Variants in CCBE1 observed in about 807,000 individuals in gnomAD.
The protein encoded by CCBE1 is collagen and calcium-binding EGF domain-containing protein 1.
A neutral mutation model predicts 50.0 loss-of-function variants in CCBE1; 37 were observed. The ratio of observed to expected loss-of-function variants is 0.74; its 90% confidence interval spans 0.57 to 0.97. CCBE1 has a LOEUF of 0.97. Among genes scored for constraint, CCBE1 ranks in the 50% least tolerant of loss-of-function variants. The pLI, the probability that CCBE1 is intolerant of heterozygous loss-of-function variation, is 0.00. For missense variants in CCBE1, 538 were observed against 523.8 expected (o/e 1.03, Z -0.26); for synonymous variants, 234 against 203.7 (o/e 1.15, Z -1.27).
intron 2 of CCBE1, among the ~76,000 whole-genome samples, chr18:59,514,158 T>C (rs1293014426): frequency 6.6e-6 from 1 of 152,208 alleles, no homozygotes; most frequent in African/African-American, 2.4e-5. Flanking sequence ...ATCTTTTACA[T>C]AGCAACATTT....
chr18:59,560,344 C>A (rs766322656), intron 2 of CCBE1, among the ~76,000 whole-genome samples: 2 of 152,144 alleles, frequency 1.3e-5, no homozygotes, highest in Admixed American at 1.3e-4. Context: ...CAAACTAACA[C>A]GGGAACAGGA....
At chr18:59,565,432 G>C (rs978031852) in intron 2 of CCBE1, among the ~76,000 whole-genome samples, 1 of 128,998 alleles carries the variant, frequency 7.8e-6, no homozygotes, top group South Asian at 2.2e-4. Context: ...TAGACAAAGG[G>C]CTGTCACTCA....
At chr18:59,539,542 G>A (rs1350268838) in intron 2 of CCBE1, among the ~76,000 whole-genome samples, 1 of 142,248 alleles carries the variant, frequency 7.0e-6, no homozygotes, top group Admixed American at 7.2e-5. Context: ...CAACAGAAAC[G>A]AAGGGCAAGA....
At chr18:59,527,622 G>GT (rs1295870276) in intron 2 of CCBE1, among the ~76,000 whole-genome samples, 2 of 151,990 alleles carry the variant, frequency 1.3e-5, no homozygotes, top group Non-Finnish European at 2.9e-5. Context: ...TTGTAGTAAT[G>GT]TTTTTTCCTT....
intron 2 of CCBE1, among the ~76,000 whole-genome samples, chr18:59,625,214 A>G (rs932065896): frequency 6.6e-6 from 1 of 152,072 alleles, no homozygotes; most frequent in Admixed American, 6.6e-5. Context: ...GGTGGATCAC[A>G]AGGTCAGGAG....
chr18:59,436,175 G>A lies in CCBE1; in HGVS notation c.988-34C>T, dbSNP rs772112471. The stretch of plus-strand genomic sequence containing the variant: ...ATGGGAGGAATCAAAGCTAGAATAC[G>A]ACAGACAGCAATGGCCTCCGGGGCT... On this transcript the variant is annotated intron_variant, in intron 10 of 10. Coordinates refer to ENST00000439986, the MANE Select transcript of CCBE1 (RefSeq NM_133459.4). The A allele has an allele frequency of 6.3e-6, 10 of 1,593,942 alleles. No homozygotes were observed. In the South Asian group the frequency reaches 9.9e-5, roughly 16 times the overall value.
chr18:59,463,666 T>C (rs1014211721), intron 5 of CCBE1, among the ~76,000 whole-genome samples: 9 of 152,242 alleles, frequency 5.9e-5, no homozygotes, highest in African/African-American at 1.9e-4. Context: ...CAGGAACTCC[T>C]TGTGGGCGGG....
intron 2 of CCBE1, among the ~76,000 whole-genome samples, chr18:59,537,904 G>A (rs1189609797): frequency 6.6e-6 from 1 of 152,164 alleles, no homozygotes; most frequent in Non-Finnish European, 1.5e-5. Flanking sequence ...GTAAAGTAGA[G>A]ATAATAACAG....
intron 2 of CCBE1, among the ~76,000 whole-genome samples, chr18:59,611,843 GACTT>G (rs1297365642): frequency 6.6e-6 from 1 of 152,178 alleles, no homozygotes; most frequent in East Asian, 1.9e-4. Context: ...CTGAGCCTGA[GACTT>G]ACGCATCAAG....
chr18:59,601,289 C>G (rs547247634), intron 2 of CCBE1, among the ~76,000 whole-genome samples: 1 of 151,906 alleles, frequency 6.6e-6, no homozygotes, highest in Admixed American at 6.6e-5. Context: ...ATAATCCCCA[C>G]GTGTCATGGG....
intron 2 of CCBE1, among the ~76,000 whole-genome samples, chr18:59,660,471 T>G (rs759379271): frequency 3.0e-4 from 45 of 152,178 alleles, no homozygotes; most frequent in Non-Finnish European, 3.5e-4. Context: ...CTTTAGTTGC[T>G]CTTTTCAGAA....
intron 2 of CCBE1, among the ~76,000 whole-genome samples, chr18:59,627,306 T>C (rs776281276): frequency 6.6e-6 from 1 of 152,188 alleles, no homozygotes; most frequent in Non-Finnish European, 1.5e-5. Context: ...AGTCTAAATT[T>C]TTACAAAAGG....
intron 7 of CCBE1, among the ~76,000 whole-genome samples, chr18:59,440,452 G>A (rs1910370629): frequency 6.6e-6 from 1 of 152,108 alleles, no homozygotes; most frequent in Non-Finnish European, 1.5e-5. Context: ...TATTTGCTTT[G>A]ACTCTTGCCT....
chr18:59,592,704 C>T (rs912259900), intron 2 of CCBE1, among the ~76,000 whole-genome samples: 4 of 152,090 alleles, frequency 2.6e-5, no homozygotes, highest in African/African-American at 9.7e-5. Context: ...GATTGGTGGA[C>T]AGGTGAAAAT....
intron 2 of CCBE1, among the ~76,000 whole-genome samples, chr18:59,507,897 C>T (rs1243373972): frequency 7.0e-6 from 1 of 143,864 alleles, no homozygotes. Context: ...CTTTCTTTTC[C>T]TTTTTTTTTT....
intron 2 of CCBE1, among the ~76,000 whole-genome samples, chr18:59,668,398 C>T (rs1046669523): frequency 6.6e-6 from 1 of 150,426 alleles, no homozygotes; most frequent in African/African-American, 2.5e-5. Context: ...GCCTGGGCGA[C>T]AAAGCGAGAC....
At chr18:59,580,115 C>A (rs1317813245) in intron 2 of CCBE1, among the ~76,000 whole-genome samples, 1 of 152,078 alleles carries the variant, frequency 6.6e-6, no homozygotes, top group Non-Finnish European at 1.5e-5. Context: ...ACTGGGGCCC[C>A]GAATTACTAA....
Position 59,658,683 on chromosome 18 carries a change from C to A in CCBE1, c.212+37946G>T, listed in dbSNP as rs1447010625. Among the ~76,000 whole-genome samples, 3 of 151,062 alleles carry A rather than the reference C, an allele frequency of 2.0e-5. No individual in the cohort carries two copies. In the South Asian group the frequency reaches 6.3e-4, roughly 32 times the overall value. On this transcript the variant is annotated intron_variant, in intron 2 of 10. Coordinates refer to ENST00000439986, the MANE Select transcript of CCBE1 (RefSeq NM_133459.4). ...GATCACAAGGTCAAGAGATCAAGAC[C>A]ACCCTTGCCAACATGGTAAAACCCT... is the stretch of plus-strand genomic sequence containing the variant.
chr18:59,455,273 G>A lies in CCBE1; in HGVS notation c.554-322C>T, dbSNP rs186431602. 440 of 426,816 alleles carry A rather than the reference G, an allele frequency of 1.0e-3. 2 individuals carry two copies. The highest frequency in any genetic ancestry group is 8.2e-3 in the African/African-American group (408 of 49,554). 26.4% of individuals were successfully genotyped at this position (426,816 alleles called of 1,614,324 possible). A position where few individuals can be genotyped will look rare whatever the true frequency, so the allele number is the denominator to read the frequency against. ...TTATCAGTGCTTTTCCAGAAGGCAGGCTCTATAAATCTGACATGATTTATA... is the reference window on the plus strand; with the variant it reads ...TTATCAGTGCTTTTCCAGAAGGCAGACTCTATAAATCTGACATGATTTATA... On this transcript the variant is annotated intron_variant, in intron 5 of 10. Coordinates refer to ENST00000439986, the MANE Select transcript of CCBE1 (RefSeq NM_133459.4).
Sources: gnomAD v4.1 joint callset for allele counts (sites outside exome capture counted in the v4.1 genomes callset) on GRCh38, gnomAD v4.1.1 for gene constraint, MANE v1.5 for transcripts, NCBI Gene and HGNC (gene_info 2026-07-23, HGNC 2026-07-21) for gene names.